The following SNX13 variants were observed in gnomAD, a reference collection of about 807,000 sequenced individuals.
The protein encoded by SNX13 is sorting nexin 13.
A neutral mutation model predicts 133.6 loss-of-function variants in SNX13; 45 were observed. The ratio of observed to expected loss-of-function variants is 0.34; its 90% confidence interval spans 0.27 to 0.43. The LOEUF is 0.43. SNX13 is among the 20% of genes least tolerant of loss of function. The pLI, the probability that SNX13 is intolerant of heterozygous loss-of-function variation, is 1.00. For synonymous variants in SNX13, 414 were observed against 373.9 expected, an observed-to-expected ratio of 1.11 and a Z score of -1.24; for missense variants, 1,032 against 1,145.1, an observed-to-expected ratio of 0.90 and a Z score of 1.43.
chr7:17,937,240 G>A (rs958070837), intron 1 of SNX13, among the ~76,000 whole-genome samples: 5 of 151,950 alleles, frequency 3.3e-5, no homozygotes, highest in African/African-American at 4.8e-5. Context: ...TAGGCTCAAA[G>A]TTCAATGTAC....
chr7:17,813,965 G>A (rs1231760714), intron 20 of SNX13, among the ~76,000 whole-genome samples: 4 of 151,924 alleles, frequency 2.6e-5, no homozygotes. Flanking sequence ...TTTTTAGGGG[G>A]ACAAAGAATA....
intron 1 of SNX13, among the ~76,000 whole-genome samples, chr7:17,902,536 T>C (rs551304112): frequency 3.2e-4 from 49 of 152,286 alleles, no homozygotes; most frequent in Non-Finnish European, 6.0e-4. Context: ...GGAAAAACAT[T>C]TGATCTAATG....
chr7:17,792,534 G>A lies in SNX13; in HGVS notation c.*1511C>T, dbSNP rs770515888. ...GTAGGATCTAAGTGAAAACAAGACA[G>A]TGATATCTTGTTCCAATCTTAAAGC... On this transcript the variant is annotated 3_prime_UTR_variant, in exon 26 of 26. Transcript: ENST00000428135. 1.3e-5 allele frequency: 2 copies of A among 152,354 alleles called. No homozygotes were observed. Among genetic ancestry groups the A allele is most frequent in the African/African-American group, 2.4e-5 (1 of 41,412 alleles). 9.4% of individuals were successfully genotyped at this position (152,354 alleles called of 1,614,324 possible). A position where few individuals can be genotyped will look rare whatever the true frequency, so the allele number is the denominator to read the frequency against.
intron 25 of SNX13, 21 bp from the exon 26 acceptor site, chr7:17,794,313 C>T (rs200263281): frequency 1.9e-4 from 308 of 1,597,620 alleles, no homozygotes; most frequent in Non-Finnish European, 2.4e-4. Flanking sequence ...TGGAGGAAAA[C>T]ACACATAATT....
intron 9 of SNX13, among the ~76,000 whole-genome samples, chr7:17,858,083 G>C (rs982212801): frequency 2.6e-5 from 4 of 152,066 alleles, no homozygotes; most frequent in Non-Finnish European, 4.4e-5. Flanking sequence ...ATATTGAGTG[G>C]AGAAAAGCTA....
chr7:17,857,898 T>C (rs987652217), intron 9 of SNX13, among the ~76,000 whole-genome samples: 3 of 152,174 alleles, frequency 2.0e-5, no homozygotes, highest in African/African-American at 7.2e-5. Flanking sequence ...ATAAGCATAA[T>C]ACATGATGTT....
At chr7:17,912,038 G>A (rs1718193309) in intron 1 of SNX13, among the ~76,000 whole-genome samples, 1 of 152,198 alleles carries the variant, frequency 6.6e-6, no homozygotes, top group Non-Finnish European at 1.5e-5. Context: ...GAGGTTTTGA[G>A]TGTGCCTCAG....
At chr7:17,925,903 CT>C (rs1800696555) in intron 1 of SNX13, among the ~76,000 whole-genome samples, 1 of 152,174 alleles carries the variant, frequency 6.6e-6, no homozygotes, top group African/African-American at 2.4e-5. Context: ...GAACCTGGTT[CT>C]AACTGGGAAA....
intron 1 of SNX13, among the ~76,000 whole-genome samples, chr7:17,931,074 C>T (rs1435522041): frequency 6.6e-6 from 1 of 152,090 alleles, no homozygotes; most frequent in Non-Finnish European, 1.5e-5. Context: ...CTCCTGACTC[C>T]CACCAGGATT....
intron 1 of SNX13, among the ~76,000 whole-genome samples, chr7:17,929,881 C>G (rs540312836): frequency 6.6e-6 from 1 of 152,010 alleles, no homozygotes; most frequent in Non-Finnish European, 1.5e-5. Flanking sequence ...AAATGCAATA[C>G]GTAAATTGAG....
Position 17,792,737 on chromosome 7 carries a change from T to C in SNX13, c.*1308A>G, listed in dbSNP as rs779685349. 1.2e-4 allele frequency: 18 copies of C among 152,290 alleles called. No individual in the cohort carries two copies. Among genetic ancestry groups the C allele is most frequent in the Non-Finnish European group, 2.9e-5 (2 of 67,838 alleles). The allele number at this position is 152,290 out of a possible 1,614,324, so 9.4% of individuals were successfully genotyped here. On this transcript the variant is annotated 3_prime_UTR_variant, in exon 26 of 26. Transcript: ENST00000428135. ...CACCCAAACCCTTAGGCAATGAAAG[T>C]ATTTAAAACTATGCAGAAATCCTGC...
At chr7:17,914,861 A>C (rs1156238129) in intron 1 of SNX13, among the ~76,000 whole-genome samples, 1 of 152,216 alleles carries the variant, frequency 6.6e-6, no homozygotes, top group Non-Finnish European at 1.5e-5. Flanking sequence ...GCAGGAACAA[A>C]ACCTCACATA....
At chr7:17,858,950 A>G (rs566967370) in intron 9 of SNX13, among the ~76,000 whole-genome samples, 1 of 152,280 alleles carries the variant, frequency 6.6e-6, no homozygotes, top group South Asian at 2.1e-4. Flanking sequence ...CACACACATA[A>G]AAATGTGAGA....
At chr7:17,852,730 A>G (rs930791049) in intron 9 of SNX13, among the ~76,000 whole-genome samples, 2 of 152,234 alleles carry the variant, frequency 1.3e-5, no homozygotes, top group Admixed American at 1.3e-4. Flanking sequence ...GAATGATCAT[A>G]TAAAGAGTGA....
Position 17,793,023 on chromosome 7 carries a change from T to C in SNX13, c.*1022A>G, listed in dbSNP as rs1485492225. ...CATTTATTTTCATATATGTACACTGTCATAGAATTAGGAATCTGTATGTTT... is the reference window on the plus strand; with the variant it reads ...CATTTATTTTCATATATGTACACTGCCATAGAATTAGGAATCTGTATGTTT... On this transcript the variant is annotated 3_prime_UTR_variant, in exon 26 of 26. Coordinates refer to ENST00000428135, the MANE Select transcript of SNX13 (RefSeq NM_015132.5). The C allele has an allele frequency of 6.6e-6, 1 of 152,284 alleles. No homozygotes were observed. The highest frequency in any genetic ancestry group is 1.5e-5 in the Non-Finnish European group (1 of 67,842). 9.4% of individuals were successfully genotyped at this position (152,284 alleles called of 1,614,324 possible).
chr7:17,832,450 C>T, intron 15 of SNX13: 1 of 984,428 alleles, frequency 1.0e-6, no homozygotes, highest in Non-Finnish European at 1.2e-6. Flanking sequence ...ATGACTTTGT[C>T]TTCTCTCTTT....
At chr7:17,835,639 G>T (rs1177811165) in intron 13 of SNX13, among the ~76,000 whole-genome samples, 1 of 151,796 alleles carries the variant, frequency 6.6e-6, no homozygotes, top group African/African-American at 2.4e-5. Context: ...ATGAGTCCTA[G>T]AGATAACATT....
chr7:17,893,268 G>A, intron 3 of SNX13, 64 bp downstream of exon 3: 1 of 1,103,142 alleles, frequency 9.1e-7, no homozygotes. Flanking sequence ...ATATACAGAT[G>A]ATTACTCTAT....
intron 20 of SNX13, among the ~76,000 whole-genome samples, chr7:17,805,259 G>GCGCGCGCGCGCGCA (rs1447678957): frequency 6.8e-6 from 1 of 147,588 alleles, no homozygotes; most frequent in Admixed American, 6.8e-5. Context: ...GTGCGTGCGC[G>GCGCGCGCGCGCGCA]CGCGCGCATG....
Sources: gnomAD v4.1 joint callset for allele counts (sites outside exome capture counted in the v4.1 genomes callset) on GRCh38, gnomAD v4.1.1 for gene constraint, MANE v1.5 for transcripts, NCBI Gene and HGNC (gene_info 2026-07-23, HGNC 2026-07-21) for gene names.